Variants in PRELID3A observed in about 807,000 individuals in gnomAD.
PRELID3A encodes the protein PRELI domain containing protein 3A.
A neutral mutation model predicts 23.0 loss-of-function variants in PRELID3A; 27 were observed. The observed-to-expected ratio is 1.17, with a 90% CI of 0.87 to 1.62. The LOEUF (loss-of-function observed/expected upper bound fraction) is 1.62, where lower values mean the gene tolerates loss of function less well. Among genes scored for constraint, PRELID3A ranks in the 40% most tolerant of loss-of-function variants. PRELID3A has a pLI of 0.00. For synonymous variants in PRELID3A, 87 were observed against 86.4 expected (o/e 1.01, Z -0.04); for missense variants, 231 against 231.4 (o/e 1.00, Z 0.01).
chr18:12,410,195 G>T (rs1409421994), intron 1 of PRELID3A, among the ~76,000 whole-genome samples: 5 of 152,188 alleles, frequency 3.3e-5, no homozygotes, highest in African/African-American at 9.6e-5. Flanking sequence ...CATTCATTTT[G>T]TATTCCTGGC....
intron 1 of PRELID3A, among the ~76,000 whole-genome samples, chr18:12,411,796 C>T (rs1017126782): frequency 6.6e-6 from 1 of 152,232 alleles, no homozygotes; most frequent in South Asian, 2.1e-4. Context: ...GTCTCCCTCC[C>T]TGCAGGCAGC....
intron 1 of PRELID3A, among the ~76,000 whole-genome samples, chr18:12,419,609 A>T (rs559650585): frequency 7.5e-4 from 113 of 151,032 alleles, no homozygotes; most frequent in Middle Eastern, 3.4e-3. Context: ...AGCCTGGGTG[A>T]TAGAGTGAGA....
At chr18:12,420,581 A>T in intron 2 of PRELID3A, 88 bp downstream of exon 2, 3 of 1,164,860 alleles carry the variant, frequency 2.6e-6, no homozygotes, top group Non-Finnish European at 3.3e-6. Flanking sequence ...TCCCCTCATC[A>T]GTGCCTCTGC....
At position 12,429,376 on chromosome 18, in the gene PRELID3A, T is replaced by C. The variant is rs745568758; in HGVS notation, c.492T>C (p.Ile164=). The change falls in exon 6 of 7, where the codon ATT becomes ATC. Residue 164 remains isoleucine (I), a synonymous_variant. Coordinates refer to ENST00000440960, the MANE Select transcript of PRELID3A (RefSeq NM_001142405.2). ...KKGWAAIEWI[I]EHSESAVS ...GGTGGGCTGCTATCGAGTGGATAAT[T>C]GAACACTCTGAAAGCGCTGTGAGCT... The C allele has an allele frequency of 5.6e-6, 9 of 1,613,848 alleles. No homozygotes were observed. The highest frequency in any genetic ancestry group is 7.6e-6 in the Non-Finnish European group (9 of 1,180,008).
In PRELID3A at chr18:12,425,509, G is replaced by A. The variant is rs544230222; in HGVS notation, c.292-1532G>A. On this transcript the variant is annotated intron_variant, in intron 3 of 6. Transcript: ENST00000440960. The stretch of plus-strand genomic sequence containing the variant: ...TAGCCAGGCATGGTGGCGGGCGCCT[G>A]TAGTCCCAGCTACTGGGGAGGCTGA... 4.6e-5 allele frequency among the ~76,000 whole-genome samples: 7 copies of A among 151,536 alleles called. No homozygotes were observed. In the South Asian group the frequency reaches 1.5e-3, roughly 32 times the overall value.
At chr18:12,417,266 T>C (rs1400668780) in intron 1 of PRELID3A, among the ~76,000 whole-genome samples, 41 of 152,020 alleles carry the variant, frequency 2.7e-4, no homozygotes, top group Non-Finnish European at 2.9e-5. Context: ...TTCCACCTCC[T>C]GGGTTCGAGC....
At position 12,407,934 on chromosome 18, in the gene PRELID3A, A is replaced by C. The variant is rs918008413; in HGVS notation, c.-42A>C. The C allele has an allele frequency of 5.5e-6, 7 of 1,282,112 alleles. No individual in the cohort carries two copies. The highest frequency in any genetic ancestry group is 5.9e-6 in the Non-Finnish European group (6 of 1,017,806). The allele number at this position is 1,282,112 out of a possible 1,614,324, so 79.4% of individuals were successfully genotyped here. A position where few individuals can be genotyped will look rare whatever the true frequency, so the allele number is the denominator to read the frequency against. On this transcript the variant is annotated 5_prime_UTR_variant, in exon 1 of 7. Coordinates refer to ENST00000440960, the MANE Select transcript of PRELID3A (RefSeq NM_001142405.2). ...CGCCCGGAGCCGCGCGGCCCGAAGC[A>C]CCCGGCCCGGATCGCAGAGCCCGCG...
intron 6 of PRELID3A, 77 bp from the exon 7 acceptor site, chr18:12,431,073 A>T (rs1372460372): frequency 1.8e-5 from 2 of 112,914 alleles, no homozygotes; most frequent in African/African-American, 6.3e-5. Flanking sequence ...GTGTGTCATG[A>T]GTGTGGTTTA....
In PRELID3A at chr18:12,428,876, C is replaced by G. The variant is rs560518021; in HGVS notation, c.466-474C>G. 1.7e-4 allele frequency among the ~76,000 whole-genome samples: 26 copies of G among 152,330 alleles called. 1 individual carries two copies. In the South Asian group the frequency reaches 5.4e-3, roughly 32 times the overall value. On this transcript the variant is annotated intron_variant, in intron 5 of 6. Coordinates refer to ENST00000440960, the MANE Select transcript of PRELID3A (RefSeq NM_001142405.2). Reference sequence around the variant, plus strand: ...TTATGTGAAAAATTTGGGGTAAACTCAGTGAGGGCAAATTGGCTTTCCTTT... The same window carrying G: ...TTATGTGAAAAATTTGGGGTAAACTGAGTGAGGGCAAATTGGCTTTCCTTT...
chr18:12,423,776 G>C (rs1477173850), intron 3 of PRELID3A, among the ~76,000 whole-genome samples: 2 of 152,182 alleles, frequency 1.3e-5, no homozygotes, highest in African/African-American at 4.8e-5. Flanking sequence ...CCGGTACCTG[G>C]GCAGCTCCCC....
At chr18:12,418,595 T>G (rs1034738471) in intron 1 of PRELID3A, among the ~76,000 whole-genome samples, 5 of 152,352 alleles carry the variant, frequency 3.3e-5, no homozygotes, top group Non-Finnish European at 5.9e-5. Flanking sequence ...GACAAACCTC[T>G]CTGGGCACTT....
intron 1 of PRELID3A, among the ~76,000 whole-genome samples, chr18:12,412,049 C>T (rs1909935298): frequency 6.6e-6 from 1 of 150,654 alleles, no homozygotes; most frequent in African/African-American, 2.4e-5. Context: ...TAGCTGGAAC[C>T]ACAGGCGCCC....
intron 6 of PRELID3A, among the ~76,000 whole-genome samples, chr18:12,429,947 GC>G (rs1346173719): frequency 6.6e-6 from 1 of 152,256 alleles, no homozygotes; most frequent in African/African-American, 2.4e-5. Context: ...ACATTCCCTG[GC>G]TTCTTGTGGC....
chr18:12,423,998 C>A (rs1043297659), intron 3 of PRELID3A, among the ~76,000 whole-genome samples: 1 of 152,188 alleles, frequency 6.6e-6, no homozygotes, highest in African/African-American at 2.4e-5. Context: ...GTGGGTGCAT[C>A]CCTGTGTGCT....
At chr18:12,420,143 G>A (rs567814905) in intron 1 of PRELID3A, 182 bp from the exon 2 acceptor site, 5 of 1,427,382 alleles carry the variant, frequency 3.5e-6, no homozygotes, top group East Asian at 2.5e-5. Context: ...GTGCCGAGGC[G>A]TGCAGGTGCT....
intron 3 of PRELID3A, among the ~76,000 whole-genome samples, chr18:12,426,396 T>C (rs1206974142): frequency 1.4e-5 from 2 of 144,238 alleles, no homozygotes; most frequent in Non-Finnish European, 3.0e-5. Flanking sequence ...CTACTAAAAA[T>C]ACAAAAAATT....
intron 1 of PRELID3A, among the ~76,000 whole-genome samples, chr18:12,417,013 A>C (rs2029982369): frequency 6.6e-6 from 1 of 151,844 alleles, no homozygotes; most frequent in East Asian, 1.9e-4. Flanking sequence ...ATCATTTTAG[A>C]GATGTTGAGA....
intron 6 of PRELID3A, among the ~76,000 whole-genome samples, chr18:12,430,127 C>T (rs2030520005): frequency 1.3e-5 from 2 of 152,314 alleles, no homozygotes; most frequent in Middle Eastern, 3.4e-3. Flanking sequence ...GAACTTCGTG[C>T]TGATTTTGCC....
At chr18:12,411,222 A>T (rs906191307) in intron 1 of PRELID3A, among the ~76,000 whole-genome samples, 5 of 151,838 alleles carry the variant, frequency 3.3e-5, no homozygotes, top group Non-Finnish European at 7.4e-5. Flanking sequence ...AGGGGCATTT[A>T]AAAATGCGGG....
Sources: allele counts gnomAD v4.1 joint callset (sites outside exome capture counted in the v4.1 genomes callset), GRCh38; gene constraint gnomAD v4.1.1; transcripts MANE v1.5; gene names NCBI Gene and HGNC (gene_info 2026-07-23, HGNC 2026-07-21).